Variants in ADGRB1 observed in about 807,000 individuals in gnomAD.
ADGRB1 encodes adhesion G protein-coupled receptor B1.
A neutral mutation model predicts 175.7 loss-of-function variants in ADGRB1; 36 were observed. The observed-to-expected ratio is 0.20, with a 90% CI of 0.16 to 0.27. The LOEUF (loss-of-function observed/expected upper bound fraction) is 0.27. Among genes scored for constraint, ADGRB1 ranks in the 10% least tolerant of loss-of-function variants. The probability of loss-of-function intolerance (pLI) is 1.00; values close to 1 mark genes in which losing one functional copy is unlikely to be tolerated. For missense variants in ADGRB1, 1,731 were observed against 2,255.3 expected (o/e 0.77, Z 4.71); for synonymous variants, 1,054 against 979.4 (o/e 1.08, Z -1.42).
chr8:142,512,867 C>G (rs1278154610), intron 18 of ADGRB1, among the ~76,000 whole-genome samples: 1 of 152,152 alleles, frequency 6.6e-6, no homozygotes, highest in Non-Finnish European at 1.5e-5. Context: ...CCTGAAATTC[C>G]AGCAGCAGGG....
At chr8:142,451,926 G>A (rs1432217297) in intron 1 of ADGRB1, among the ~76,000 whole-genome samples, 6 of 152,178 alleles carry the variant, frequency 3.9e-5, no homozygotes, top group Non-Finnish European at 8.8e-5. Context: ...ACGCCGGGGT[G>A]CCGCCGAGTC....
chr8:142,539,064 T>C (rs1379863240), intron 26 of ADGRB1, among the ~76,000 whole-genome samples: 1 of 152,030 alleles, frequency 6.6e-6, no homozygotes. Flanking sequence ...AGATGCATTC[T>C]CTCACATTTA....
chr8:142,518,383 GA>G, intron 19 of ADGRB1, 142 bp downstream of exon 19: 1 of 828,550 alleles, frequency 1.2e-6, no homozygotes, highest in Non-Finnish European at 1.9e-6. Context: ...ATTTGCCACG[GA>G]ACCAGCCATG....
intron 13 of ADGRB1, among the ~76,000 whole-genome samples, chr8:142,487,268 C>T (rs1841716014): frequency 6.6e-6 from 1 of 152,162 alleles, no homozygotes; most frequent in Non-Finnish European, 1.5e-5. Flanking sequence ...GGTGCTGCTC[C>T]AGCGTCCGTC....
chr8:142,514,714 T>C (rs1195111651), intron 18 of ADGRB1, among the ~76,000 whole-genome samples: 1 of 151,990 alleles, frequency 6.6e-6, no homozygotes, highest in Non-Finnish European at 1.5e-5. Flanking sequence ...CAGGGCCCAG[T>C]GTGTGCCCAA....
intron 16 of ADGRB1, 41 bp downstream of exon 16, chr8:142,489,479 C>T (rs367983269): frequency 5.6e-5 from 89 of 1,584,658 alleles, no homozygotes; most frequent in African/African-American, 2.2e-4. Context: ...CCAGCAGAAA[C>T]GCGTGTGCGC....
At chr8:142,462,690 C>G (rs549086580) in intron 1 of ADGRB1, among the ~76,000 whole-genome samples, 2 of 152,228 alleles carry the variant, frequency 1.3e-5, no homozygotes, top group Admixed American at 1.3e-4. Context: ...GGCATTTGTG[C>G]GGTCAGCAGA....
intron 17 of ADGRB1, among the ~76,000 whole-genome samples, chr8:142,500,289 A>C (rs1195293153): frequency 0.3 from 1,609 of 5,320 alleles, 306 homozygotes; most frequent in Admixed American, 0.38. Context: ...CCACCTCCCC[A>C]CGCGCCGCTC....
At chr8:142,463,519 G>A (rs993790930) in intron 1 of ADGRB1, among the ~76,000 whole-genome samples, 19 of 152,272 alleles carry the variant, frequency 1.2e-4, no homozygotes, top group Non-Finnish European at 4.4e-5. Context: ...CTGGGAAGGA[G>A]GAAGGTTAGA....
chr8:142,508,741 T>G (rs1842949388), intron 17 of ADGRB1, among the ~76,000 whole-genome samples: 1 of 152,240 alleles, frequency 6.6e-6, no homozygotes. Context: ...CCTCTGAGCC[T>G]GACCGTGCTG....
chr8:142,544,364 G>T lies in ADGRB1; in HGVS notation c.4702G>T (p.Ala1568Ser), dbSNP rs913616996. ...LRSVEWERSG[A>S]TIPLVGQDII... Reference sequence around the variant, plus strand: ...CAGCGTGGAGTGGGAGAGGTCGGGCGCCACGATCCCGCTGGTGGGCCAGGA... The same window carrying T: ...CAGCGTGGAGTGGGAGAGGTCGGGCTCCACGATCCCGCTGGTGGGCCAGGA... Residue 1568 changes from alanine (A) to serine (S), a missense_variant, in exon 31 of 31, where the codon GCC (alanine) becomes TCC (serine). Physicochemically the swap from Ala to Ser is moderately conservative, Grantham distance 99 (BLOSUM62 1). Transcript: ENST00000517894. 3 of 1,536,292 alleles carry T rather than the reference G, an allele frequency of 2.0e-6. No individual in the cohort carries two copies. Among genetic ancestry groups the T allele is most frequent in the Non-Finnish European group, 2.6e-6 (3 of 1,139,650 alleles).
Position 142,499,566 on chromosome 8 carries a change from C to T in ADGRB1, c.2675+8751C>T, listed in dbSNP as rs139439894. Among the ~76,000 whole-genome samples, 1,082 of 152,238 alleles carry T rather than the reference C, an allele frequency of 7.1e-3. 14 individuals carry two copies. The highest frequency in any genetic ancestry group is 0.024 in the African/African-American group (1,011 of 41,526). On this transcript the variant is annotated intron_variant, in intron 17 of 30. Transcript: ENST00000517894. The stretch of plus-strand genomic sequence containing the variant: ...GCTGGAGTCCACGCCAGGCCCCAGG[C>T]GCCTCAAAGGCCCAGAGGCGGAGTG...
rs139878750 is a variant in ADGRB1, at chr8:142,531,093, A to G, written c.3399-2202A>G. Reference sequence around the variant, plus strand: ...GGCAGCAGCAGGGGTGACTGACAGCAGGCAAAGAAGTCTCCATGGGGAGGG... The same window carrying G: ...GGCAGCAGCAGGGGTGACTGACAGCGGGCAAAGAAGTCTCCATGGGGAGGG... On this transcript the variant is annotated intron_variant, in intron 24 of 30. Transcript: ENST00000517894. 1.3e-4 allele frequency among the ~76,000 whole-genome samples: 20 copies of G among 152,356 alleles called. No homozygotes were observed. The East Asian group carries it at 3.7e-3, about 28-fold the overall frequency.
chr8:142,495,676 T>G (rs1842179379), intron 17 of ADGRB1, among the ~76,000 whole-genome samples: 1 of 152,090 alleles, frequency 6.6e-6, no homozygotes, highest in Non-Finnish European at 1.5e-5. Flanking sequence ...CCTGGCCTTC[T>G]GTCTTGTGTA....
chr8:142,541,303 G>A (rs928104477), intron 27 of ADGRB1, among the ~76,000 whole-genome samples: 2 of 152,156 alleles, frequency 1.3e-5, no homozygotes, highest in Admixed American at 6.5e-5. Context: ...CCACTCAGAG[G>A]TCAAGGCGGC....
intron 17 of ADGRB1, among the ~76,000 whole-genome samples, chr8:142,497,617 G>A (rs1322199709): frequency 6.6e-6 from 1 of 152,176 alleles, no homozygotes; most frequent in East Asian, 1.9e-4. Flanking sequence ...TCCCAGCTTG[G>A]GTGGGGCCTC....
At position 142,510,832 on chromosome 8, in the gene ADGRB1, G is replaced by C; in HGVS notation, c.2676-100G>C. On this transcript the variant is annotated intron_variant, in intron 17 of 30. Coordinates refer to ENST00000517894, the MANE Select transcript of ADGRB1 (RefSeq NM_001702.3). This position sits in a 1 kb window ranked among gnomAD's most constrained non-coding sequence, Gnocchi z 6.3. ...GGTGCGGGGCGGCGGGCCGGGGCCG[G>C]GGCCGGGGCGCGGAGCCGCCGCTCG... 1 of 590,476 alleles carries C rather than the reference G, an allele frequency of 1.7e-6. No homozygotes were observed. Among genetic ancestry groups the C allele is most frequent in the Non-Finnish European group, 2.1e-6 (1 of 472,314 alleles). The allele number at this position is 590,476 out of a possible 1,614,324, so 36.6% of individuals were successfully genotyped here.
chr8:142,498,520 C>T (rs1340498626), intron 17 of ADGRB1, among the ~76,000 whole-genome samples: 1 of 152,162 alleles, frequency 6.6e-6, no homozygotes, highest in African/African-American at 2.4e-5. Flanking sequence ...AGGGCAGCCC[C>T]TCCCTCAAGC....
In ADGRB1 at chr8:142,455,623, C is replaced by T. The variant is rs1259289831; in HGVS notation, c.-220+5519C>T. ...GGTGGACCTTGAGATGAGACAGAACCTGTGTCCTGGTGCCTGTCCCCCACT... is the reference window on the plus strand; with the variant it reads ...GGTGGACCTTGAGATGAGACAGAACTTGTGTCCTGGTGCCTGTCCCCCACT... On this transcript the variant is annotated intron_variant, in intron 1 of 30. Coordinates refer to ENST00000517894, the MANE Select transcript of ADGRB1 (RefSeq NM_001702.3). The surrounding 1 kb of genome is among the most constrained non-coding windows in gnomAD (Gnocchi z 4.9). Among the ~76,000 whole-genome samples, 2 of 152,198 alleles carry T rather than the reference C, an allele frequency of 1.3e-5. No homozygotes were observed. Among genetic ancestry groups the T allele is most frequent in the African/African-American group, 4.8e-5 (2 of 41,446 alleles).
Sources: gnomAD v4.1 joint callset for allele counts (sites outside exome capture counted in the v4.1 genomes callset) on GRCh38, gnomAD v4.1.1 for gene constraint, Gnocchi (gnomAD v3.1) non-coding constraint, MANE v1.5 for transcripts, NCBI Gene and HGNC (gene_info 2026-07-23, HGNC 2026-07-21) for gene names.